BABAM2: variants seen among roughly 807,000 people sequenced by gnomAD.
BABAM2 encodes the protein BRISC and BRCA1-A complex member 2.
BABAM2 carries 31 observed loss-of-function variants against 54.7 expected under a neutral mutation model. The observed-to-expected ratio is 0.57, with a 90% CI of 0.43 to 0.77. BABAM2 has a LOEUF of 0.77. Ranked by LOEUF, BABAM2 falls within the 30% of genes least tolerant of loss-of-function variation. The probability of loss-of-function intolerance (pLI) is 0.00; values close to 1 mark genes in which losing one functional copy is unlikely to be tolerated. For synonymous variants in BABAM2, 167 were observed against 162.9 expected (o/e 1.03, Z -0.19); for missense variants, 364 against 455.8 (o/e 0.80, Z 1.83).
chr2:28,107,362 A>G (rs1230128176), intron 6 of BABAM2, among the ~76,000 whole-genome samples: 2 of 152,138 alleles, frequency 1.3e-5, no homozygotes, highest in Non-Finnish European at 2.9e-5. Flanking sequence ...CCCTTTCCAC[A>G]TTGCCCTTAA....
rs867964985 is a variant in BABAM2, at chr2:28,026,865, T to G, written c.495+1445T>G. Among the ~76,000 whole-genome samples the G allele has an allele frequency of 1.2e-3, 60 of 49,534 alleles. 2 individuals are homozygous for G. Among genetic ancestry groups the G allele is most frequent in the South Asian group, 5.0e-3 (10 of 1,994 alleles). The allele number at this position is 49,534 out of a possible 152,430, so 32.5% of individuals were successfully genotyped here. A position where few individuals can be genotyped will look rare whatever the true frequency, so the allele number is the denominator to read the frequency against. On this transcript the variant is annotated intron_variant, in intron 5 of 11. Coordinates refer to ENST00000379624, the MANE Select transcript of BABAM2 (RefSeq NM_199191.3). ...ATAAATATATATTTATATATATAGA[T>G]ATATATATTTATATATATATAGATA...
intron 7 of BABAM2, among the ~76,000 whole-genome samples, chr2:28,138,281 A>G (rs1670720003): frequency 6.6e-6 from 1 of 152,208 alleles, no homozygotes; most frequent in African/African-American, 2.4e-5. Context: ...GTGAATCTCA[A>G]ACAGGCCAAA....
At position 28,066,812 on chromosome 2, in the gene BABAM2, C is replaced by A. The variant is rs1333525388; in HGVS notation, c.570+21013C>A. On this transcript the variant is annotated intron_variant, in intron 6 of 11. Transcript: ENST00000379624. Reference sequence around the variant, plus strand: ...TTTTTTGACCTAGTGTGAAGTCTTACACTGCCACTTCCTTTTACTCACTTC... The same window carrying A: ...TTTTTTGACCTAGTGTGAAGTCTTAAACTGCCACTTCCTTTTACTCACTTC... Among the ~76,000 whole-genome samples the A allele has an allele frequency of 2.6e-5, 4 of 152,338 alleles. No individual in the cohort carries two copies. In the East Asian group the frequency reaches 5.8e-4, roughly 22 times the overall value.
At chr2:28,100,692 A>T (rs1010890013) in intron 6 of BABAM2, among the ~76,000 whole-genome samples, 2 of 152,166 alleles carry the variant, frequency 1.3e-5, no homozygotes, top group African/African-American at 4.8e-5. Flanking sequence ...CATGACTAGA[A>T]GAGAGAAGTT....
At chr2:28,086,926 T>G (rs899521911) in intron 6 of BABAM2, among the ~76,000 whole-genome samples, 2 of 152,214 alleles carry the variant, frequency 1.3e-5, no homozygotes, top group African/African-American at 2.4e-5. Flanking sequence ...CTCATCTTGG[T>G]TTTCCTCTGA....
chr2:28,103,225 A>G (rs1667232649), intron 6 of BABAM2, among the ~76,000 whole-genome samples: 1 of 152,168 alleles, frequency 6.6e-6, no homozygotes. Context: ...GATGAAGCAG[A>G]ATTATGAAAG....
intron 11 of BABAM2, among the ~76,000 whole-genome samples, chr2:28,337,820 G>A (rs1533047): frequency 0.98 from 149,144 of 152,258 alleles, 73,077 homozygotes; most frequent in Admixed American, 0.99. Context: ...CCCTGTCTCT[G>A]TGAAAAAATG....
At chr2:28,297,723 C>T (rs752397060) in intron 10 of BABAM2, among the ~76,000 whole-genome samples, 4 of 152,142 alleles carry the variant, frequency 2.6e-5, no homozygotes, top group Non-Finnish European at 4.4e-5. Context: ...AAAACTGAAA[C>T]TGCTGAGTAT....
At chr2:28,198,514 C>G (rs11891642) in intron 7 of BABAM2, among the ~76,000 whole-genome samples, 8 of 151,910 alleles carry the variant, frequency 5.3e-5, no homozygotes, top group Non-Finnish European at 1.2e-4. Context: ...ATGATCAGAA[C>G]GGCCTGAAAA....
Position 28,129,389 on chromosome 2 carries a change from C to G in BABAM2, c.680+9C>G. The G allele has an allele frequency of 1.2e-6, 2 of 1,602,962 alleles. No individual in the cohort carries two copies. Among genetic ancestry groups the G allele is most frequent in the South Asian group, 1.1e-5 (1 of 90,792 alleles). Reference sequence around the variant, plus strand: ...TCACCTCGAATTGAGCAGTAAGTGTCATTAACATGAGGTAGCCTGGTGCTA... The same window carrying G: ...TCACCTCGAATTGAGCAGTAAGTGTGATTAACATGAGGTAGCCTGGTGCTA... On this transcript the variant is annotated intron_variant, in intron 7 of 11. Coordinates refer to ENST00000379624, the MANE Select transcript of BABAM2 (RefSeq NM_199191.3).
chr2:28,127,104 A>T (rs1442556581), intron 6 of BABAM2, among the ~76,000 whole-genome samples: 1 of 152,040 alleles, frequency 6.6e-6, no homozygotes, highest in Non-Finnish European at 1.5e-5. Flanking sequence ...GTTCACTCTG[A>T]TGGTAGTTTC....
intron 10 of BABAM2, among the ~76,000 whole-genome samples, chr2:28,289,774 G>C (rs1478289064): frequency 6.6e-6 from 1 of 152,056 alleles, no homozygotes; most frequent in Admixed American, 6.6e-5. Flanking sequence ...CCGTGTGACA[G>C]AGAGACTCTG....
chr2:27,918,213 T>C (rs894218196), intron 2 of BABAM2, among the ~76,000 whole-genome samples: 1 of 152,216 alleles, frequency 6.6e-6, no homozygotes, highest in Non-Finnish European at 1.5e-5. Context: ...GGAAACTCTG[T>C]ACCCATTAAA....
At chr2:27,919,908 C>T (rs546906490) in intron 2 of BABAM2, among the ~76,000 whole-genome samples, 1 of 152,212 alleles carries the variant, frequency 6.6e-6, no homozygotes, top group South Asian at 2.1e-4. Context: ...TAACAGTTGA[C>T]GCCACATGAA....
intron 10 of BABAM2, among the ~76,000 whole-genome samples, chr2:28,296,000 T>C (rs551680694): frequency 1.3e-5 from 2 of 152,250 alleles, no homozygotes; most frequent in South Asian, 4.1e-4. Context: ...TCCCGGCTAC[T>C]TGGGAGACTG....
rs535149972 is a variant in BABAM2, at chr2:28,276,879, C to A, written c.935-21459C>A. Among the ~76,000 whole-genome samples the A allele has an allele frequency of 4.6e-5, 7 of 152,270 alleles. No homozygotes were observed. The East Asian group carries it at 1.2e-3, about 25-fold the overall frequency. Reference sequence around the variant, plus strand: ...ACAGTATTCTCATATTTTTAGTAAACCCTGCACAAAACATACATACAGATG... The same window carrying A: ...ACAGTATTCTCATATTTTTAGTAAAACCTGCACAAAACATACATACAGATG... On this transcript the variant is annotated intron_variant, in intron 10 of 11. Coordinates refer to ENST00000379624, the MANE Select transcript of BABAM2 (RefSeq NM_199191.3).
At chr2:28,226,610 G>A (rs1375754332) in intron 7 of BABAM2, among the ~76,000 whole-genome samples, 1 of 152,200 alleles carries the variant, frequency 6.6e-6, no homozygotes, top group East Asian at 1.9e-4. Flanking sequence ...AGAAGACCAA[G>A]TACCAGAGAT....
At chr2:28,128,587 A>C (rs1669772240) in intron 6 of BABAM2, among the ~76,000 whole-genome samples, 1 of 152,144 alleles carries the variant, frequency 6.6e-6, no homozygotes, top group Admixed American at 6.5e-5. Context: ...AATTACAGTA[A>C]GTTTAGTTTT....
chr2:28,260,941 C>CTTT (rs34766123), intron 10 of BABAM2, among the ~76,000 whole-genome samples: 7 of 110,792 alleles, frequency 6.3e-5, no homozygotes, highest in Admixed American at 2.0e-4. Context: ...CATTTTCTTT[C>CTTT]TTTTTTTTTT....
Sources: gnomAD v4.1 joint callset for allele counts (sites outside exome capture counted in the v4.1 genomes callset) on GRCh38, gnomAD v4.1.1 for gene constraint, MANE v1.5 for transcripts, NCBI Gene and HGNC (gene_info 2026-07-23, HGNC 2026-07-21) for gene names.